Variants in ARHGAP36 observed in about 807,000 individuals in gnomAD.
The protein encoded by ARHGAP36 is Rho GTPase activating protein 36.
A neutral mutation model predicts 32.9 loss-of-function variants in ARHGAP36; 7 were observed. That is an observed-to-expected ratio of 0.21 (90% CI 0.12 to 0.40). The LOEUF is 0.40. Among genes scored for constraint, ARHGAP36 ranks in the 10% least tolerant of loss-of-function variants. The pLI, the probability that ARHGAP36 is intolerant of heterozygous loss-of-function variation, is 1.00. For missense variants in ARHGAP36, 383 were observed against 442.2 expected (o/e 0.87, Z 1.20); for synonymous variants, 165 against 168.3 (o/e 0.98, Z 0.15).
intron 1 of ARHGAP36, among the ~76,000 whole-genome samples, chrX:131,065,742 G>T (rs2079695022): frequency 8.9e-6 from 1 of 111,875 alleles, no homozygotes; most frequent in African/African-American, 3.3e-5. Context: ...CCAGGATGAG[G>T]TGCTGACCCA....
intron 5 of ARHGAP36, 104 bp from the exon 6 acceptor site, chrX:131,084,522 G>A: frequency 1.8e-6 from 2 of 1,134,090 alleles, no homozygotes; most frequent in South Asian, 3.9e-5. Flanking sequence ...ACATTCCCCT[G>A]ACACCCAGTG....
Position 131,086,426 on chromosome X carries a change from A to G in ARHGAP36, c.1379A>G (p.Gln460Arg), listed in dbSNP as rs1280625662. 2.5e-6 allele frequency: 3 copies of G among 1,210,071 alleles called. No individual in the cohort carries two copies. Among genetic ancestry groups the G allele is most frequent in the Non-Finnish European group, 3.4e-6 (3 of 895,080 alleles). Residue 460 changes from glutamine (Q) to arginine (R), a missense_variant and splice_region_variant, in exon 10 of 12, where the codon CAG (glutamine) becomes CGG (arginine). This residue lies in a region of ARHGAP36 where 227 missense variants were observed against 311.3 expected (regional missense o/e 0.73). Coordinates refer to ENST00000276211, the MANE Select transcript of ARHGAP36 (RefSeq NM_144967.4). ...FIRRRNLRKI[Q>R]SARIKMEEDA... ...AGACGCAGGAACTTGAGGAAGATCC[A>G]GTGAGTGTTTTTTGGGTTTGTTTAT... is the stretch of plus-strand genomic sequence containing the variant.
At chrX:131,072,537 C>T (rs958120898) in intron 1 of ARHGAP36, among the ~76,000 whole-genome samples, 5 of 112,176 alleles carry the variant, frequency 4.5e-5, no homozygotes, top group African/African-American at 1.6e-4. Context: ...GAGTTCTGGA[C>T]CTTCATCTTG....
At chrX:131,081,985 C>A (rs1010633158) in intron 2 of ARHGAP36, 67 bp downstream of exon 2, 2 of 1,150,685 alleles carry the variant, frequency 1.7e-6, no homozygotes, top group African/African-American at 3.6e-5. Flanking sequence ...CAGGACGGGG[C>A]GGATTAGGGG....
At chrX:131,085,358 CAAA>C (rs372296735) in intron 7 of ARHGAP36, among the ~76,000 whole-genome samples, 1 of 87,929 alleles carries the variant, frequency 1.1e-5, no homozygotes. Context: ...CCTCTCAGGT[CAAA>C]AAAAAAAAAA....
At chrX:131,084,147 A>G in intron 4 of ARHGAP36, 68 bp from the exon 5 acceptor site, 1 of 1,084,178 alleles carries the variant, frequency 9.2e-7, no homozygotes, top group African/African-American at 1.8e-5. Context: ...TCATACATAC[A>G]GTACTCAGGA....
At chrX:131,058,482 C>T (rs1412557917) in intron 1 of ARHGAP36, 38 bp downstream of exon 1, 5 of 992,911 alleles carry the variant, frequency 5.0e-6, no homozygotes, top group Non-Finnish European at 3.8e-6. Flanking sequence ...CTGGGGTGCT[C>T]GGCCGGGGGC....
chrX:131,077,806 T>TATATATATATATATATATATATA (rs2079772358), intron 1 of ARHGAP36, among the ~76,000 whole-genome samples: 1 of 92,814 alleles, frequency 1.1e-5, no homozygotes, highest in Admixed American at 1.2e-4. Flanking sequence ...TATATATATA[T>TATATATATATATATATATATATA]TGCTAGTGAC....
chrX:131,088,761 T>C lies in ARHGAP36; in HGVS notation c.1620T>C (p.Thr540=). The C allele has an allele frequency of 8.3e-7, 1 of 1,208,742 alleles. No homozygotes were observed. The highest frequency in any genetic ancestry group is 1.1e-6 in the Non-Finnish European group (1 of 894,520). Residue 540 remains threonine, a synonymous_variant, in exon 12 of 12, where the codon ACT becomes ACC. Transcript: ENST00000276211. The part of the protein sequence containing the change: ...LRVPREKEAK[T]GVSYFFP ...TGCCCCGGGAGAAGGAGGCCAAAAC[T>C]GGCGTCAGCTACTTCTTTCCTTAGA...
chrX:131,083,816 A>G lies in ARHGAP36; in HGVS notation c.402A>G (p.Thr134=). 6.6e-6 allele frequency: 8 copies of G among 1,212,242 alleles called. No individual in the cohort carries two copies. The highest frequency in any genetic ancestry group is 7.8e-6 in the Non-Finnish European group (7 of 895,634). ...EFTRRKHLEL[T]ATMQVEEATG... Reference sequence around the variant, plus strand: ...CCCGCCGCAAGCATCTTGAACTGACAGCCACGATGCAGGTTGAAGAAGCCA... The same window carrying G: ...CCCGCCGCAAGCATCTTGAACTGACGGCCACGATGCAGGTTGAAGAAGCCA... Residue 134 remains threonine, a synonymous_variant, in exon 4 of 12, where the codon ACA becomes ACG. Transcript: ENST00000276211.
Position 131,085,725 on chromosome X carries a change from G to T in ARHGAP36, c.1093G>T (p.Asp365Tyr). Residue 365 changes from aspartate to tyrosine, a missense_variant, in exon 8 of 12, where the codon GAT (aspartate) becomes TAT (tyrosine). By Grantham distance (160) the Asp-to-Tyr change is radical. Around this residue, in one of 2 missense-constraint regions of ARHGAP36, gnomAD observed 227 missense variants for 311.3 expected, o/e 0.73. Transcript: ENST00000276211. ...TENCEDSIGIDGQLVPGNRMT... is the reference protein window; with the variant it reads ...TENCEDSIGIYGQLVPGNRMT... ...GAACTGCGAGGACTCAATTGGCATT[G>T]ATGGACAGTTGGTAAAAAGATCTTG... The T allele has an allele frequency of 8.3e-7, 1 of 1,211,329 alleles. No individual in the cohort carries two copies. Among genetic ancestry groups the T allele is most frequent in the Non-Finnish European group, 1.1e-6 (1 of 895,406 alleles).
In ARHGAP36 at chrX:131,058,442, G is replaced by A. The variant is rs1024165725; in HGVS notation, c.-145G>A. ...TCGGCCTTTGAGCCCCGCCCCCGCC[G>A]TGGTGAGTGGGGCCCACCGAGTCGG... On this transcript the variant is annotated splice_region_variant and 5_prime_UTR_variant, in exon 1 of 12. In the 5' UTR this introduces an upstream ATG that the reference lacks. Transcript: ENST00000276211. The A allele has an allele frequency of 2.4e-5, 26 of 1,069,678 alleles. No homozygotes were observed. In the African/African-American group the frequency reaches 4.6e-4, roughly 19 times the overall value. The allele number at this position is 1,069,678 out of a possible 1,213,427, so 88.2% of individuals were successfully genotyped here.
At chrX:131,072,243 G>A (rs1026250526) in intron 1 of ARHGAP36, among the ~76,000 whole-genome samples, 1 of 111,851 alleles carries the variant, frequency 8.9e-6, no homozygotes, top group Non-Finnish European at 1.9e-5. Context: ...TGTGAAGTCA[G>A]CTTCTGTTTT....
chrX:131,086,116 T>G lies in ARHGAP36; in HGVS notation c.1281+27T>G, dbSNP rs750797060. The G allele has an allele frequency of 1.2e-5, 15 of 1,201,808 alleles. No homozygotes were observed. The South Asian group carries it at 2.7e-4, about 22-fold the overall frequency. ...TAGGTGCAAGTTTTGGATGCACTTG[T>G]TTTACACATCCATCTCCTGTTCACA... On this transcript the variant is annotated intron_variant, in intron 9 of 11. Coordinates refer to ENST00000276211, the MANE Select transcript of ARHGAP36 (RefSeq NM_144967.4).
chrX:131,080,330 T>C (rs181685811), intron 1 of ARHGAP36, among the ~76,000 whole-genome samples: 181 of 111,000 alleles, frequency 1.6e-3, no homozygotes, highest in Non-Finnish European at 2.8e-3. Context: ...ATCTTGGAGG[T>C]CTAACATCAC....
At position 131,089,481 on chromosome X, in the gene ARHGAP36, G is replaced by A. The variant is rs1179340353; in HGVS notation, c.*696G>A. 2 of 112,905 alleles carry A rather than the reference G, an allele frequency of 1.8e-5. No homozygotes were observed. Among genetic ancestry groups the A allele is most frequent in the Non-Finnish European group, 3.7e-5 (2 of 53,404 alleles). 9.3% of individuals were successfully genotyped at this position (112,905 alleles called of 1,213,427 possible). A position where few individuals can be genotyped will look rare whatever the true frequency, so the allele number is the denominator to read the frequency against. ...GTGTTTCTGGGATCCAAAGTTAGAG[G>A]AAAATTTAGATTTTATTGCCTGGAT... On this transcript the variant is annotated 3_prime_UTR_variant, in exon 12 of 12. Coordinates refer to ENST00000276211, the MANE Select transcript of ARHGAP36 (RefSeq NM_144967.4).
Position 131,081,541 on chromosome X carries a change from T to C in ARHGAP36, c.-125T>C, listed in dbSNP as rs2079798784. On this transcript the variant is annotated 5_prime_UTR_variant, in exon 2 of 12. Transcript: ENST00000276211. ...TTTTTTAGCAAAAACAACCAGAGGC[T>C]GCTCTGCTTGAGGGTGAAGCCGCCT... The C allele has an allele frequency of 9.1e-7, 1 of 1,101,263 alleles. No individual in the cohort carries two copies. The highest frequency in any genetic ancestry group is 1.2e-6 in the Non-Finnish European group (1 of 845,959). The allele number at this position is 1,101,263 out of a possible 1,213,427, so 90.8% of individuals were successfully genotyped here.
rs143563262 is a variant in ARHGAP36, at chrX:131,071,793, T to G, written c.-142-9731T>G. 9.0e-4 allele frequency among the ~76,000 whole-genome samples: 100 copies of G among 111,636 alleles called. 2 individuals are homozygous for G. In the South Asian group the frequency reaches 0.015, roughly 17 times the overall value. On this transcript the variant is annotated intron_variant, in intron 1 of 11. Coordinates refer to ENST00000276211, the MANE Select transcript of ARHGAP36 (RefSeq NM_144967.4). ...CTGGGCTCACCCATAGTCTCTTATATTCTTGACTCTTCTCTTTCTTCTCCA... is the reference window on the plus strand; with the variant it reads ...CTGGGCTCACCCATAGTCTCTTATAGTCTTGACTCTTCTCTTTCTTCTCCA...
chrX:131,083,673 C>T, intron 3 of ARHGAP36, 61 bp from the exon 4 acceptor site: 2 of 1,116,616 alleles, frequency 1.8e-6, no homozygotes, highest in South Asian at 1.8e-5. Context: ...CCCCTGCTTC[C>T]TCCTGATTTA....
Sources: allele counts gnomAD v4.1 joint callset (sites outside exome capture counted in the v4.1 genomes callset), GRCh38; gene constraint gnomAD v4.1.1; regional missense constraint gnomAD v4.1.1; transcripts MANE v1.5; gene names NCBI Gene and HGNC (gene_info 2026-07-23, HGNC 2026-07-21).